The following EXPH5 variants were observed in gnomAD, a reference collection of about 807,000 sequenced individuals.
EXPH5 encodes the protein exophilin-5.
A neutral mutation model predicts 41.1 loss-of-function variants in EXPH5; 42 were observed. The observed-to-expected ratio is 1.02, with a 90% CI of 0.80 to 1.32. EXPH5 has a LOEUF of 1.32. Among genes scored for constraint, EXPH5 ranks in the 40% most tolerant of loss-of-function variants. The pLI, the probability that EXPH5 is intolerant of heterozygous loss-of-function variation, is 0.00. For synonymous variants in EXPH5, 798 were observed against 833.5 expected (o/e 0.96, Z 0.73); for missense variants, 2,298 against 2,314.5 (o/e 0.99, Z 0.15).
intron 1 of EXPH5, among the ~76,000 whole-genome samples, chr11:108,582,951 T>G (rs952771501): frequency 2.0e-5 from 3 of 152,238 alleles, no homozygotes; most frequent in African/African-American, 7.2e-5. Flanking sequence ...TGATTTTCTC[T>G]GTAAAGACCC....
At position 108,512,573 on chromosome 11, in the gene EXPH5, A is replaced by G. The variant is rs765683812; in HGVS notation, c.2934T>C (p.His978=). 102 of 1,612,418 alleles carry G rather than the reference A, an allele frequency of 6.3e-5. No homozygotes were observed. Among genetic ancestry groups the G allele is most frequent in the Non-Finnish European group, 8.2e-5 (97 of 1,179,670 alleles). ...RNERGKGKIR[H]HISCIEKLSK... is the part of the protein sequence containing the mutation. ...TTAACTTTTCAATACAGGATATATG[A>G]TGCCTTATTTTTCCTTTTCCTCTTT... The change falls in exon 6 of 6, where the codon CAT becomes CAC. Residue 978 remains histidine (H), a synonymous_variant. Transcript: ENST00000265843.
intron 1 of EXPH5, among the ~76,000 whole-genome samples, chr11:108,561,946 T>A (rs1035088633): frequency 2.0e-5 from 3 of 152,184 alleles, no homozygotes; most frequent in African/African-American, 7.2e-5. Flanking sequence ...CTGTGGTTAC[T>A]AGCCTGGTTG....
chr11:108,524,311 A>C (rs1430826538), intron 4 of EXPH5, among the ~76,000 whole-genome samples: 1 of 152,242 alleles, frequency 6.6e-6, no homozygotes, highest in Non-Finnish European at 1.5e-5. Context: ...GGGTTGCTGT[A>C]AGAATTAGGT....
chr11:108,513,744 G>C lies in EXPH5; in HGVS notation c.1763C>G (p.Ser588Ter). The C allele has an allele frequency of 6.2e-7, 1 of 1,611,016 alleles. No individual in the cohort carries two copies. Among genetic ancestry groups the C allele is most frequent in the Non-Finnish European group, 8.5e-7 (1 of 1,178,840 alleles). The part of the protein sequence containing the change: ...GTPNVCSMTG[S>*]SYHVKSSELV... ...CTCACTAGATTTGACGTGATAGCTT[G>C]AACCAGTCATGGAGCAAACATTTGG... Residue 588 changes from serine (S) to a stop codon, truncating the protein, a stop_gained, in exon 6 of 6, where the codon TCA becomes TGA. Coordinates refer to ENST00000265843, the MANE Select transcript of EXPH5 (RefSeq NM_015065.3). LOFTEE classifies it low-confidence loss of function (END_TRUNC).
At chr11:108,546,724 C>T (rs1186917995) in intron 1 of EXPH5, among the ~76,000 whole-genome samples, 1 of 152,140 alleles carries the variant, frequency 6.6e-6, no homozygotes, top group Non-Finnish European at 1.5e-5. Context: ...TTATTTATTA[C>T]TCTCCTAATC....
At chr11:108,595,850 C>G (rs941172766), upstream of EXPH5, among the ~76,000 whole-genome samples, 2 of 152,150 alleles carry the variant, frequency 1.3e-5, no homozygotes, top group Non-Finnish European at 2.9e-5. Flanking sequence ...ATCTAGACTT[C>G]ATTGTGTAAG....
chr11:108,512,320 C>T lies in EXPH5; in HGVS notation c.3187G>A (p.Gly1063Arg), dbSNP rs2093688560. 6.2e-7 allele frequency: 1 copy of T among 1,613,446 alleles called. No individual in the cohort carries two copies. The change falls in exon 6 of 6, where the codon GGG becomes AGG. Residue 1063 changes from glycine to arginine, a missense_variant. Coordinates refer to ENST00000265843, the MANE Select transcript of EXPH5 (RefSeq NM_015065.3). The stretch of plus-strand genomic sequence containing the variant: ...CTAAATTTGTTTAACATATAGTTCC[C>T]CATTGCATCTTCCACATTATTTTTG... ...QIKNNVEDAM[G>R]NYMLNKFSPS... is the part of the protein sequence containing the mutation.
chr11:108,603,332 T>G, the EXPH5 span, among the ~76,000 whole-genome samples: 3 of 152,322 alleles, frequency 2.0e-5, no homozygotes, highest in East Asian at 5.8e-4. Context: ...CATTGGATTG[T>G]TCATTTTAAA....
chr11:108,550,634 C>G (rs1244199442), intron 1 of EXPH5, among the ~76,000 whole-genome samples: 4 of 151,926 alleles, frequency 2.6e-5, no homozygotes, highest in Non-Finnish European at 5.9e-5. Flanking sequence ...TAAAAATTAG[C>G]TGGGCGTGGT....
In EXPH5 at chr11:108,541,731, CT is replaced by C; in HGVS notation, c.200del (p.Lys67SerfsTer12). 2.5e-6 allele frequency: 4 copies of C among 1,613,138 alleles called. No homozygotes were observed. The highest frequency in any genetic ancestry group is 3.4e-6 in the Non-Finnish European group (4 of 1,179,374). On this transcript the variant is annotated frameshift_variant, in exon 2 of 6. Transcript: ENST00000265843. LOFTEE classifies it high-confidence loss of function. ...GEWFEEIQRK[K>X]FCNETDVSQM... ...GGCTAACATCTGTTTCATTGCAAAA[CT>C]TTTTTCTTTGAATTTCTTCAAACCA...
rs1591661196 is a variant in EXPH5, at chr11:108,511,545, T to C, written c.3962A>G (p.Asp1321Gly). 1.2e-6 allele frequency: 2 copies of C among 1,612,454 alleles called. No individual in the cohort carries two copies. Among genetic ancestry groups the C allele is most frequent in the East Asian group, 2.2e-5 (1 of 44,880 alleles). ...CATATTTTCAGTGGTGAGCGTCTGA[T>C]CAGAGTTGACGGACATCTTTAGATT... ...CENLKMSVNS[D>G]QTLTTENMTA... The change falls in exon 6 of 6, where the codon GAT becomes GGT. Residue 1321 changes from aspartate (D) to glycine (G), a missense_variant. Asp to Gly is a moderately conservative substitution (Grantham distance 94, BLOSUM62 -1). Coordinates refer to ENST00000265843, the MANE Select transcript of EXPH5 (RefSeq NM_015065.3).
intron 1 of EXPH5, among the ~76,000 whole-genome samples, chr11:108,556,982 T>TC (rs2093992863): frequency 6.6e-6 from 1 of 152,216 alleles, no homozygotes; most frequent in Non-Finnish European, 1.5e-5. Context: ...GCTTCTTTTT[T>TC]CCCTCTTAAC....
At position 108,539,167 on chromosome 11, in the gene EXPH5, TG is replaced by T. The variant is rs763718499; in HGVS notation, c.299del (p.Thr100AsnfsTer7). 8 of 1,598,550 alleles carry T rather than the reference TG, an allele frequency of 5.0e-6. No individual in the cohort carries two copies. The highest frequency in any genetic ancestry group is 1.1e-5 in the South Asian group (1 of 87,284). ...MAKNDPIELP[T>X]SRSKNVTNQK... ...GATTAGTTACATTTTTAGATCTTGA[TG>T]TAGGTAATTCTATCGGATCTAGAAA... On this transcript the variant is annotated frameshift_variant, in exon 3 of 6. Transcript: ENST00000265843. LOFTEE classifies it high-confidence loss of function.
At chr11:108,607,423 A>C in the EXPH5 span, among the ~76,000 whole-genome samples, 1 of 152,216 alleles carries the variant, frequency 6.6e-6, no homozygotes, top group Admixed American at 6.5e-5. Flanking sequence ...ATATTCTTGC[A>C]TCAATACATA....
At chr11:108,547,805 G>A (rs1054211565) in intron 1 of EXPH5, among the ~76,000 whole-genome samples, 18 of 151,882 alleles carry the variant, frequency 1.2e-4, no homozygotes, top group East Asian at 3.9e-4. Flanking sequence ...TGAGCGTTTC[G>A]TCAATTTTTA....
upstream of EXPH5, among the ~76,000 whole-genome samples, chr11:108,596,422 G>A (rs931786521): frequency 1.3e-5 from 2 of 152,160 alleles, no homozygotes; most frequent in East Asian, 1.9e-4. Flanking sequence ...AGACAGAGAC[G>A]CAAAGATGAT....
intron 1 of EXPH5, among the ~76,000 whole-genome samples, chr11:108,543,714 T>C (rs1050512184): frequency 6.6e-6 from 1 of 152,208 alleles, no homozygotes; most frequent in Non-Finnish European, 1.5e-5. Context: ...GCTATGATAC[T>C]GCTATTTTAT....
the EXPH5 span, among the ~76,000 whole-genome samples, chr11:108,599,456 C>A: frequency 6.6e-6 from 1 of 152,204 alleles, no homozygotes; most frequent in African/African-American, 2.4e-5. Context: ...TCACAGTGTG[C>A]ATATTTTGAT....
At chr11:108,517,595 A>G (rs1412125451) in intron 5 of EXPH5, among the ~76,000 whole-genome samples, 1 of 152,212 alleles carries the variant, frequency 6.6e-6, no homozygotes. Context: ...TGCATTTGGA[A>G]CGCCACTGCT....
Sources: allele counts gnomAD v4.1 joint callset (sites outside exome capture counted in the v4.1 genomes callset), GRCh38; gene constraint gnomAD v4.1.1; transcripts MANE v1.5; gene names NCBI Gene and HGNC (gene_info 2026-07-23, HGNC 2026-07-21).